PKP4: variants seen among roughly 807,000 people sequenced by gnomAD.
PKP4 encodes the protein plakophilin 4.
Under a neutral mutation model 145.1 loss-of-function variants are expected in PKP4, and 90 were observed. The ratio of observed to expected loss-of-function variants is 0.62; its 90% CI spans 0.52 to 0.74. The LOEUF is 0.74. Among genes scored for constraint, PKP4 ranks in the 30% least tolerant of loss-of-function variants. PKP4 has a pLI of 0.00. For synonymous variants in PKP4, 563 were observed against 577.2 expected (o/e 0.98, Z 0.35); for missense variants, 1,340 against 1,482.7 (o/e 0.90, Z 1.58).
At chr2:158,557,286 C>T (rs2046179327) in intron 2 of PKP4, among the ~76,000 whole-genome samples, 1 of 150,770 alleles carries the variant, frequency 6.6e-6, no homozygotes, top group Non-Finnish European at 1.5e-5. Context: ...TGATACCTTA[C>T]ATGAGTCTGT....
At chr2:158,465,687 C>G (rs16842958) in intron 1 of PKP4, among the ~76,000 whole-genome samples, 5,707 of 152,204 alleles carry the variant, frequency 0.037, 246 homozygotes, top group African/African-American at 0.11. Context: ...GTGATGTATG[C>G]TAGAATAAAT....
chr2:158,663,184 T>C lies in PKP4; in HGVS notation c.2404-88T>C. The C allele has an allele frequency of 2.0e-6, 3 of 1,515,004 alleles. No homozygotes were observed. The Admixed American group carries it at 5.6e-5, about 28-fold the overall frequency. 93.8% of individuals were successfully genotyped at this position (1,515,004 alleles called of 1,614,324 possible). A position where few individuals can be genotyped will look rare whatever the true frequency, so the allele number is the denominator to read the frequency against. ...AGAAAATAAATTTTCTGCATAGCTA[T>C]AGCTGAGTCCCGCAAAGGTGAATGT... On this transcript the variant is annotated intron_variant, in intron 14 of 21. Coordinates refer to ENST00000389759, the MANE Select transcript of PKP4 (RefSeq NM_003628.6).
At chr2:158,557,562 C>T (rs1182455593) in intron 2 of PKP4, among the ~76,000 whole-genome samples, 4 of 152,150 alleles carry the variant, frequency 2.6e-5, no homozygotes, top group African/African-American at 9.7e-5. Context: ...TTCAAGTGAA[C>T]TTAATGTGTG....
chr2:158,577,269 AG>A lies in PKP4; in HGVS notation c.133del. 2 of 1,605,936 alleles carry A rather than the reference AG, an allele frequency of 1.2e-6. No homozygotes were observed. Among genetic ancestry groups the A allele is most frequent in the Non-Finnish European group, 8.5e-7 (1 of 1,174,170 alleles). ...TATGCCTTTTATTTTCTTGAATCAC[AG>A]GAGCTTCAGTTTCAGCGACTCACCC... On this transcript the variant is annotated splice_acceptor_variant, in intron 2 of 21. Coordinates refer to ENST00000389759, the MANE Select transcript of PKP4 (RefSeq NM_003628.6). LOFTEE classifies it high-confidence loss of function.
chr2:158,495,649 C>T (rs1436280759), intron 1 of PKP4, among the ~76,000 whole-genome samples: 1 of 151,842 alleles, frequency 6.6e-6, no homozygotes, highest in Non-Finnish European at 1.5e-5. Context: ...GCCTGGCCAA[C>T]ATGGTGAAAC....
intron 1 of PKP4, among the ~76,000 whole-genome samples, chr2:158,459,497 G>A (rs1689429475): frequency 6.6e-6 from 1 of 152,040 alleles, no homozygotes; most frequent in South Asian, 2.1e-4. Context: ...AAAATATTTT[G>A]CACTCAGAAA....
chr2:158,606,606 A>T (rs926841035), intron 4 of PKP4, among the ~76,000 whole-genome samples: 1 of 152,246 alleles, frequency 6.6e-6, no homozygotes, highest in South Asian at 2.1e-4. Flanking sequence ...AATCAAGCTC[A>T]TCACTTAGCC....
rs747701246 is a variant in PKP4 at position 158,680,732 on chromosome 2, T to G, written c.*55T>G. ...CTTTCTAACCTTGTTCAGATTGAGG[T>G]GAAAAGTCCATCTTGCTGATTTGAT... On this transcript the variant is annotated 3_prime_UTR_variant, in exon 22 of 22. Coordinates refer to ENST00000389759, the MANE Select transcript of PKP4 (RefSeq NM_003628.6). The G allele has an allele frequency of 4.2e-5, 61 of 1,444,330 alleles. No individual in the cohort carries two copies. Among genetic ancestry groups the G allele is most frequent in the Non-Finnish European group, 5.5e-5 (59 of 1,069,230 alleles). 89.5% of individuals were successfully genotyped at this position (1,444,330 alleles called of 1,614,324 possible). A position where few individuals can be genotyped will look rare whatever the true frequency, so the allele number is the denominator to read the frequency against.
intron 1 of PKP4, among the ~76,000 whole-genome samples, chr2:158,527,183 T>A (rs1384427865): frequency 5.9e-5 from 7 of 119,064 alleles, no homozygotes; most frequent in South Asian, 7.8e-4. Flanking sequence ...GCCAAGTCAA[T>A]CCTAAGCCAA....
chr2:158,574,384 A>G (rs2047665874), intron 2 of PKP4, among the ~76,000 whole-genome samples: 1 of 152,228 alleles, frequency 6.6e-6, no homozygotes, highest in South Asian at 2.1e-4. Flanking sequence ...TTTAGAGGAT[A>G]AAATATAAGA....
intron 1 of PKP4, among the ~76,000 whole-genome samples, chr2:158,494,567 C>T (rs1303884903): frequency 6.6e-6 from 1 of 152,142 alleles, no homozygotes; most frequent in East Asian, 1.9e-4. Context: ...TAGTAGATTA[C>T]TTTCATTATT....
At chr2:158,476,058 A>G (rs1431819142) in intron 1 of PKP4, among the ~76,000 whole-genome samples, 1 of 152,194 alleles carries the variant, frequency 6.6e-6, no homozygotes, top group Non-Finnish European at 1.5e-5. Flanking sequence ...ACAAAGAAAC[A>G]TCCTTATCTT....
At chr2:158,644,062 C>T (rs1379155167) in intron 11 of PKP4, among the ~76,000 whole-genome samples, 2 of 152,108 alleles carry the variant, frequency 1.3e-5, no homozygotes, top group East Asian at 1.9e-4. Context: ...CACTGCACCC[C>T]GCCCATTTAG....
At chr2:158,628,029 G>A (rs2052984540) in intron 7 of PKP4, among the ~76,000 whole-genome samples, 1 of 151,144 alleles carries the variant, frequency 6.6e-6, no homozygotes, top group African/African-American at 2.4e-5. Flanking sequence ...TCACCAGGCT[G>A]GAGTACAGTG....
At chr2:158,502,446 T>A (rs116370538) in intron 1 of PKP4, among the ~76,000 whole-genome samples, 1 of 152,152 alleles carries the variant, frequency 6.6e-6, no homozygotes, top group African/African-American at 2.4e-5. Context: ...TTAGCTTAAA[T>A]TGTCTCTCAA....
At chr2:158,606,310 G>T (rs866180538) in intron 4 of PKP4, among the ~76,000 whole-genome samples, 3 of 151,842 alleles carry the variant, frequency 2.0e-5, no homozygotes, top group Admixed American at 6.6e-5. Flanking sequence ...CTGCACTCCA[G>T]CCTGGGCAAC....
At chr2:158,528,742 C>A (rs976887367) in intron 1 of PKP4, among the ~76,000 whole-genome samples, 1 of 144,574 alleles carries the variant, frequency 6.9e-6, no homozygotes, top group South Asian at 2.2e-4. Flanking sequence ...AATGAGAACA[C>A]AGATATGCAT....
At chr2:158,599,009 G>C (rs1387363656) in intron 3 of PKP4, among the ~76,000 whole-genome samples, 2 of 152,168 alleles carry the variant, frequency 1.3e-5, no homozygotes, top group Non-Finnish European at 2.9e-5. Flanking sequence ...AAATGCTTCA[G>C]ATGTAGGTTT....
At chr2:158,674,257 G>A (rs533212065) in intron 19 of PKP4, among the ~76,000 whole-genome samples, 3 of 152,324 alleles carry the variant, frequency 2.0e-5, no homozygotes, top group African/African-American at 7.2e-5. Context: ...AGTGTGAGAA[G>A]GGGCCCTGAA....
Sources: allele counts gnomAD v4.1 joint callset (sites outside exome capture counted in the v4.1 genomes callset), GRCh38; gene constraint gnomAD v4.1.1; transcripts MANE v1.5; gene names NCBI Gene and HGNC (gene_info 2026-07-23, HGNC 2026-07-21).